Variants in ADGRA3 observed in about 807,000 individuals in gnomAD.
ADGRA3 encodes adhesion G protein-coupled receptor A3.
A neutral mutation model predicts 119.8 loss-of-function variants in ADGRA3; 56 were observed. The observed-to-expected ratio is 0.47, with a 90% CI of 0.38 to 0.58. The LOEUF is 0.58. Ranked by LOEUF, ADGRA3 falls within the 20% of genes least tolerant of loss-of-function variation. The pLI, the probability that ADGRA3 is intolerant of heterozygous loss-of-function variation, is 0.00. For synonymous variants in ADGRA3, 607 were observed against 623.8 expected (o/e 0.97, Z 0.40); for missense variants, 1,516 against 1,649.0 (o/e 0.92, Z 1.40).
intron 10 of ADGRA3, among the ~76,000 whole-genome samples, chr4:22,433,582 A>C (rs1716271185): frequency 6.6e-6 from 1 of 152,208 alleles, no homozygotes; most frequent in Admixed American, 6.6e-5. Flanking sequence ...ACAGGCTGGC[A>C]AACAGTTCAA....
At chr4:22,412,786 G>A (rs987341177) in intron 14 of ADGRA3, among the ~76,000 whole-genome samples, 4 of 152,106 alleles carry the variant, frequency 2.6e-5, no homozygotes, top group Admixed American at 6.6e-5. Flanking sequence ...CATGTAGTGG[G>A]AAACAGCGCT....
chr4:22,462,912 T>C (rs1015000292), intron 2 of ADGRA3, among the ~76,000 whole-genome samples: 3 of 152,190 alleles, frequency 2.0e-5, no homozygotes, highest in Admixed American at 1.3e-4. Context: ...CAGTTGCCTA[T>C]ACAAGTGTTT....
intron 7 of ADGRA3, among the ~76,000 whole-genome samples, chr4:22,438,778 G>A (rs1156429350): frequency 6.6e-6 from 1 of 152,066 alleles, no homozygotes; most frequent in Non-Finnish European, 1.5e-5. Flanking sequence ...GGTGGCAGGA[G>A]TTCAAGACCA....
At chr4:22,446,694 G>C (rs955446462) in intron 5 of ADGRA3, among the ~76,000 whole-genome samples, 2 of 151,956 alleles carry the variant, frequency 1.3e-5, no homozygotes, top group Non-Finnish European at 2.9e-5. Context: ...TCAGAGTACA[G>C]GGAAGAGAGG....
At chr4:22,508,670 C>T (rs1719329222) in intron 1 of ADGRA3, among the ~76,000 whole-genome samples, 1 of 152,266 alleles carries the variant, frequency 6.6e-6, no homozygotes, top group African/African-American at 2.4e-5. Context: ...CCCTTGGCTG[C>T]ACTCATCTGG....
rs984437093 is a variant in ADGRA3 at position 22,444,185 on chromosome 4, A to G, written c.706+788T>C. 2.0e-5 allele frequency among the ~76,000 whole-genome samples: 3 copies of G among 152,290 alleles called. No homozygotes were observed. The East Asian group carries it at 5.8e-4, about 29-fold the overall frequency. ...TTAAACCAATCCCCTATTTTTGAGA[A>G]TTTAGGATATGCTTATACACAGAGT... is the stretch of plus-strand genomic sequence containing the variant. On this transcript the variant is annotated intron_variant, in intron 6 of 18. Coordinates refer to ENST00000334304, the MANE Select transcript of ADGRA3 (RefSeq NM_145290.4).
intron 10 of ADGRA3, among the ~76,000 whole-genome samples, chr4:22,433,405 G>A (rs774049669): frequency 3.3e-5 from 5 of 152,124 alleles, no homozygotes; most frequent in Admixed American, 1.3e-4. Context: ...CTGTTCGCCT[G>A]TATTTGTGCA....
At chr4:22,429,213 C>A (rs1716061646) in intron 10 of ADGRA3, among the ~76,000 whole-genome samples, 1 of 152,142 alleles carries the variant, frequency 6.6e-6, no homozygotes, top group South Asian at 2.1e-4. Context: ...CTGATTCTAC[C>A]CTAAGGTGTT....
chr4:22,388,675 G>GC lies in ADGRA3; in HGVS notation c.2995dup (p.Ala999GlyfsTer30), dbSNP rs756918919. On this transcript the variant is annotated frameshift_variant, in exon 19 of 19. Coordinates refer to ENST00000334304, the MANE Select transcript of ADGRA3 (RefSeq NM_145290.4). LOFTEE classifies it high-confidence loss of function. Reference sequence around the variant, plus strand: ...AACATATAAGAGCAAAGTAAGGCTGGCCCCCAAGAGCTGAGAATGAAAAGT... The same window carrying GC: ...AACATATAAGAGCAAAGTAAGGCTGGCCCCCCAAGAGCTGAGAATGAAAAGT... 6.2e-7 allele frequency: 1 copy of GC among 1,614,016 alleles called. No individual in the cohort carries two copies. Among genetic ancestry groups the GC allele is most frequent in the Non-Finnish European group, 8.5e-7 (1 of 1,180,000 alleles).
intron 17 of ADGRA3, among the ~76,000 whole-genome samples, chr4:22,389,963 A>AT (rs1164621766): frequency 2.6e-5 from 4 of 152,124 alleles, no homozygotes; most frequent in Non-Finnish European, 5.9e-5. Flanking sequence ...GATAAAGGCA[A>AT]TATCTCTGAT....
chr4:22,505,487 A>G (rs2109178322), intron 1 of ADGRA3, among the ~76,000 whole-genome samples: 1 of 152,016 alleles, frequency 6.6e-6, no homozygotes, highest in East Asian at 2.0e-4. Context: ...TCTCTACTAA[A>G]AATACAAAAA....
intron 1 of ADGRA3, among the ~76,000 whole-genome samples, chr4:22,498,292 C>T (rs1302971700): frequency 6.6e-6 from 1 of 151,794 alleles, no homozygotes; most frequent in African/African-American, 2.4e-5. Context: ...TGTTCAGATC[C>T]TAAAGACAGG....
At chr4:22,502,970 A>G (rs182114076) in intron 1 of ADGRA3, among the ~76,000 whole-genome samples, 40 of 152,024 alleles carry the variant, frequency 2.6e-4, no homozygotes, top group Non-Finnish European at 4.6e-4. Flanking sequence ...TACATGCTAG[A>G]CTCTAGGGAT....
At chr4:22,448,062 C>G (rs1560322380) in intron 4 of ADGRA3, among the ~76,000 whole-genome samples, 3 of 152,046 alleles carry the variant, frequency 2.0e-5, no homozygotes, top group African/African-American at 7.2e-5. Flanking sequence ...CTAGTCTATC[C>G]TGTGTTAGCA....
intron 7 of ADGRA3, 106 bp from the exon 8 acceptor site, chr4:22,438,526 GT>G: frequency 2.4e-6 from 2 of 829,166 alleles, no homozygotes; most frequent in Non-Finnish European, 3.7e-6. Context: ...AATGCATATT[GT>G]GGGGTAAGCA....
At position 22,392,634 on chromosome 4, in the gene ADGRA3, T is replaced by A. The variant is rs2108994854; in HGVS notation, c.2538A>T (p.Thr846=). ...TGACTTGTTTGTAGATATTTCGAGC[T>A]GTCACTCCTACCCATAGTACTGTGG... ...TLATVLWVGV[T]ARNIYKQVTK... Residue 846 remains threonine, a synonymous_variant, in exon 17 of 19, where the codon ACA becomes ACT. Coordinates refer to ENST00000334304, the MANE Select transcript of ADGRA3 (RefSeq NM_145290.4). The A allele has an allele frequency of 6.2e-7, 1 of 1,613,872 alleles. No homozygotes were observed. Among genetic ancestry groups the A allele is most frequent in the Non-Finnish European group, 8.5e-7 (1 of 1,179,808 alleles).
chr4:22,429,694 CT>C (rs1328082032), intron 10 of ADGRA3, among the ~76,000 whole-genome samples: 1 of 152,078 alleles, frequency 6.6e-6, no homozygotes, highest in Non-Finnish European at 1.5e-5. Flanking sequence ...ACAAGTTGAC[CT>C]TCAAACAGGT....
At chr4:22,465,397 G>C (rs1434812898) in intron 2 of ADGRA3, among the ~76,000 whole-genome samples, 1 of 152,120 alleles carries the variant, frequency 6.6e-6, no homozygotes, top group Non-Finnish European at 1.5e-5. Context: ...TGTGGGAGAG[G>C]GAGGGATGAG....
chr4:22,458,965 T>C (rs970793724), intron 3 of ADGRA3, among the ~76,000 whole-genome samples: 9 of 152,256 alleles, frequency 5.9e-5, no homozygotes, highest in Admixed American at 2.0e-4. Context: ...GCAAAAACTA[T>C]GGTAGGAAAT....
Sources: allele counts gnomAD v4.1 joint callset (sites outside exome capture counted in the v4.1 genomes callset), GRCh38; gene constraint gnomAD v4.1.1; transcripts MANE v1.5; gene names NCBI Gene and HGNC (gene_info 2026-07-23, HGNC 2026-07-21).